Variants in ADGRL2 observed in about 807,000 individuals in gnomAD.
ADGRL2 encodes the protein calcium-independent alpha-latrotoxin receptor 2.
Under a neutral mutation model 157.4 loss-of-function variants are expected in ADGRL2, and 44 were observed. The observed-to-expected ratio is 0.28, with a 90% CI of 0.22 to 0.36. ADGRL2 has a LOEUF of 0.36. Among genes scored for constraint, ADGRL2 ranks in the 10% least tolerant of loss-of-function variants. ADGRL2 has a pLI of 1.00. For synonymous variants in ADGRL2, 585 were observed against 624.7 expected, an observed-to-expected ratio of 0.94 and a Z score of 0.95; for missense variants, 1,510 against 1,768.9, an observed-to-expected ratio of 0.85 and a Z score of 2.63.
At chr1:81,448,775 CAAA>C (rs1226884252) in intron 2 of ADGRL2, among the ~76,000 whole-genome samples, 1 of 151,762 alleles carries the variant, frequency 6.6e-6, no homozygotes, top group Non-Finnish European at 1.5e-5. Flanking sequence ...TTTTAAATCA[CAAA>C]AAAAGGCTAA....
intron 2 of ADGRL2, among the ~76,000 whole-genome samples, chr1:81,792,451 T>C (rs574579629): frequency 6.6e-6 from 1 of 152,276 alleles, no homozygotes; most frequent in South Asian, 2.1e-4. Flanking sequence ...GATGCAGACA[T>C]ATACATATAC....
chr1:81,552,705 T>C (rs888638679), intron 2 of ADGRL2, among the ~76,000 whole-genome samples: 4 of 151,926 alleles, frequency 2.6e-5, no homozygotes, highest in Admixed American at 2.6e-4. Context: ...TGAAAGGGTT[T>C]AAGCTGTTAA....
At chr1:81,902,141 T>G (rs2094499132) in intron 2 of ADGRL2, among the ~76,000 whole-genome samples, 1 of 152,144 alleles carries the variant, frequency 6.6e-6, no homozygotes, top group African/African-American at 2.4e-5. Context: ...GATTGGCAAC[T>G]GGTTGAAGGG....
At chr1:81,521,408 A>G (rs2079311582) in intron 2 of ADGRL2, among the ~76,000 whole-genome samples, 1 of 152,162 alleles carries the variant, frequency 6.6e-6, no homozygotes, top group Non-Finnish European at 1.5e-5. Context: ...CAAAAGAGTC[A>G]AAGGAGTGGT....
Position 81,318,928 on chromosome 1 carries a change from C to CTTTTTTTTTT in ADGRL2, c.-302+12440_-302+12449dup, listed in dbSNP as rs397980625. ...TTTTATCCTCCATCCTCCATCAATT[C>CTTTTTTTTTT]TTTTTTTTTTTTTTTTTTTTTTTTT... On this transcript the variant is annotated intron_variant, in intron 1 of 24. Transcript: ENST00000370721. 1.1e-4 allele frequency among the ~76,000 whole-genome samples: 5 copies of CTTTTTTTTTT among 45,830 alleles called. 1 individual carries two copies. The highest frequency in any genetic ancestry group is 1.4e-4 in the Non-Finnish European group (4 of 27,716). The allele number at this position is 45,830 out of a possible 152,430, so 30.1% of individuals were successfully genotyped here. A position where few individuals can be genotyped will look rare whatever the true frequency, so the allele number is the denominator to read the frequency against.
rs971857940 is a variant in ADGRL2, at chr1:81,625,280, T to C, written c.-143+44300T>C. Among the ~76,000 whole-genome samples the C allele has an allele frequency of 2.6e-5, 4 of 152,246 alleles. No individual in the cohort carries two copies. The South Asian group carries it at 8.3e-4, about 32-fold the overall frequency. ...CTCTCCCTCTCCCTCCTTCCCTTTTTCCCTCTTCCATATCTTCCTCCCTCC... is the reference window on the plus strand; with the variant it reads ...CTCTCCCTCTCCCTCCTTCCCTTTTCCCCTCTTCCATATCTTCCTCCCTCC... On this transcript the variant is annotated intron_variant, in intron 3 of 24. Transcript: ENST00000370721.
chr1:81,437,442 C>A (rs1262664434), intron 1 of ADGRL2, among the ~76,000 whole-genome samples: 3 of 152,126 alleles, frequency 2.0e-5, no homozygotes, highest in African/African-American at 4.8e-5. Context: ...GATCCAAAGT[C>A]ATCTGGTTAA....
intron 3 of ADGRL2, among the ~76,000 whole-genome samples, chr1:81,924,454 C>T (rs2095058690): frequency 6.6e-6 from 1 of 152,058 alleles, no homozygotes; most frequent in South Asian, 2.1e-4. Context: ...AAGGTTGCCT[C>T]TGTTAGGATG....
intron 2 of ADGRL2, among the ~76,000 whole-genome samples, chr1:81,887,202 A>C (rs544622575): frequency 5.3e-5 from 8 of 152,218 alleles, no homozygotes; most frequent in Non-Finnish European, 1.2e-4. Flanking sequence ...CCAATTGATA[A>C]AATGTACAAA....
chr1:81,976,284 C>T (rs1420159828), intron 17 of ADGRL2, among the ~76,000 whole-genome samples: 1 of 151,830 alleles, frequency 6.6e-6, no homozygotes, highest in East Asian at 1.9e-4. Flanking sequence ...TGCTTTATTT[C>T]ATAATTAATT....
At chr1:81,591,157 C>A (rs1257054499) in intron 3 of ADGRL2, among the ~76,000 whole-genome samples, 1 of 152,150 alleles carries the variant, frequency 6.6e-6, no homozygotes, top group African/African-American at 2.4e-5. Flanking sequence ...TCATTTGAAA[C>A]CTTGGCATAG....
At chr1:81,445,449 A>AT (rs5775616) in intron 2 of ADGRL2, among the ~76,000 whole-genome samples, 97,126 of 152,000 alleles carry the variant, frequency 0.64, 31,806 homozygotes, top group Non-Finnish European at 0.7. Flanking sequence ...TAAAGTTGCT[A>AT]TTTTTGCAAA....
intron 1 of ADGRL2, among the ~76,000 whole-genome samples, chr1:81,720,384 G>A (rs924604459): frequency 3.2e-4 from 49 of 151,896 alleles, no homozygotes; most frequent in Non-Finnish European, 7.4e-5. Flanking sequence ...TGCTCAGGCT[G>A]GTCTCAAACT....
intron 2 of ADGRL2, among the ~76,000 whole-genome samples, chr1:81,517,195 G>T (rs537831292): frequency 1.3e-5 from 2 of 151,988 alleles, no homozygotes; most frequent in South Asian, 4.2e-4. Flanking sequence ...AAAACCGGCC[G>T]GGCACGGTGG....
intron 6 of ADGRL2, among the ~76,000 whole-genome samples, chr1:81,945,619 C>G (rs575651988): frequency 1.3e-5 from 2 of 152,080 alleles, no homozygotes; most frequent in Admixed American, 1.3e-4. Context: ...ATAATTTGAT[C>G]CATTTCAGAT....
intron 2 of ADGRL2, among the ~76,000 whole-genome samples, chr1:81,857,624 C>G (rs746847899): frequency 1.1e-4 from 16 of 152,276 alleles, no homozygotes; most frequent in Admixed American, 5.9e-4. Context: ...AGCTTCTTCT[C>G]TCAAATCAGC....
intron 17 of ADGRL2, among the ~76,000 whole-genome samples, chr1:81,978,005 T>C (rs909516123): frequency 6.6e-6 from 1 of 151,714 alleles, no homozygotes; most frequent in Non-Finnish European, 1.5e-5. Context: ...TGTTTATTTT[T>C]AGGATGTTTA....
intron 17 of ADGRL2, among the ~76,000 whole-genome samples, chr1:81,973,475 G>T (rs2149358250): frequency 1.3e-5 from 2 of 152,266 alleles, no homozygotes; most frequent in Middle Eastern, 3.4e-3. Flanking sequence ...TTTGGCCAAT[G>T]AGGCTATCAT....
chr1:81,829,294 C>T (rs1372488729), intron 1 of ADGRL2, among the ~76,000 whole-genome samples: 2 of 152,162 alleles, frequency 1.3e-5, no homozygotes, highest in Non-Finnish European at 2.9e-5. Flanking sequence ...TTCACTTAGA[C>T]TCTAGCTTTA....
Sources: allele counts gnomAD v4.1 joint callset (sites outside exome capture counted in the v4.1 genomes callset), GRCh38; gene constraint gnomAD v4.1.1; transcripts MANE v1.5; gene names NCBI Gene and HGNC (gene_info 2026-07-23, HGNC 2026-07-21).